The following EML1 variants were observed in gnomAD, a reference collection of about 807,000 sequenced individuals.
EML1 encodes EMAP like 1, also known as echinoderm microtubule-associated protein-like 1.
Under a neutral mutation model 110.4 loss-of-function variants are expected in EML1, and 27 were observed. That is an observed-to-expected ratio of 0.24 (90% CI 0.18 to 0.34). EML1 has a LOEUF of 0.34. Among genes scored for constraint, EML1 ranks in the 10% least tolerant of loss-of-function variants. The pLI is 1.00. For synonymous variants in EML1, 344 were observed against 385.8 expected (o/e 0.89, Z 1.27); for missense variants, 741 against 1,030.9 (o/e 0.72, Z 3.85).
intron 1 of EML1, among the ~76,000 whole-genome samples, chr14:99,741,628 A>ACC (rs11361579): frequency 6.7e-6 from 1 of 148,336 alleles, no homozygotes; most frequent in Non-Finnish European, 1.5e-5. Context: ...TTTTGCGCCC[A>ACC]CCCCCCCCCA....
chr14:99,794,161 C>T (rs965376386), intron 1 of EML1, among the ~76,000 whole-genome samples: 2 of 151,774 alleles, frequency 1.3e-5, no homozygotes, highest in African/African-American at 4.8e-5. Context: ...TTTGTTTTTG[C>T]AATTTTACAG....
intron 1 of EML1, among the ~76,000 whole-genome samples, chr14:99,797,092 C>T (rs1339968032): frequency 6.6e-6 from 1 of 152,178 alleles, no homozygotes; most frequent in Non-Finnish European, 1.5e-5. Flanking sequence ...ACCCTAGTAC[C>T]TACTAGCAGT....
intron 1 of EML1, among the ~76,000 whole-genome samples, chr14:99,832,702 TA>T (rs1187173650): frequency 1.3e-5 from 2 of 152,228 alleles, no homozygotes; most frequent in Non-Finnish European, 2.9e-5. Context: ...TGCTTCGTTT[TA>T]AAATTGGGTT....
intron 7 of EML1, 54 bp downstream of exon 7, chr14:99,897,348 C>T (rs1011100477): frequency 6.6e-6 from 10 of 1,516,686 alleles, no homozygotes; most frequent in African/African-American, 2.8e-5. Context: ...GTAGGAGGAT[C>T]GCTTGAGGCC....
At chr14:99,739,018 T>C (rs996210453) in intron 1 of EML1, among the ~76,000 whole-genome samples, 1 of 151,798 alleles carries the variant, frequency 6.6e-6, no homozygotes, top group African/African-American at 2.4e-5. Context: ...TGCCAGCGCC[T>C]TGGCCTGGCT....
intron 16 of EML1, among the ~76,000 whole-genome samples, chr14:99,920,031 C>G (rs1290605764): frequency 1.3e-5 from 2 of 152,164 alleles, no homozygotes; most frequent in East Asian, 1.9e-4. Context: ...CACCACCACC[C>G]CTTGAGAATA....
At chr14:99,746,399 C>G (rs1473889059) in intron 1 of EML1, among the ~76,000 whole-genome samples, 3 of 152,130 alleles carry the variant, frequency 2.0e-5, no homozygotes, top group Non-Finnish European at 4.4e-5. Flanking sequence ...CAGGGGGCAC[C>G]TATGTTTGGA....
upstream of EML1, among the ~76,000 whole-genome samples, chr14:99,769,161 T>C (rs1180802011): frequency 1.3e-5 from 2 of 152,182 alleles, no homozygotes; most frequent in Non-Finnish European, 2.9e-5. Flanking sequence ...AGGCTCCCTG[T>C]CTGGTCCTCC....
rs138924869 is a variant in EML1 at position 99,797,325 on chromosome 14, A to G, written c.67+3782A>G. ...TTATATTCCCTTGTGGAGAGATACC[A>G]CACTGTTTAAATCTGTTACTTGTTG... On this transcript the variant is annotated intron_variant, in intron 1 of 21. Coordinates refer to ENST00000262233, the MANE Select transcript of EML1 (RefSeq NM_004434.3). Among the ~76,000 whole-genome samples the G allele has an allele frequency of 5.3e-5, 8 of 152,294 alleles. No individual in the cohort carries two copies. In the East Asian group the frequency reaches 1.5e-3, roughly 29 times the overall value.
At chr14:99,929,818 T>C (rs2060333901) in intron 17 of EML1, among the ~76,000 whole-genome samples, 1 of 152,176 alleles carries the variant, frequency 6.6e-6, no homozygotes. Context: ...ATCTCCAAGG[T>C]AGCAGCACCC....
At chr14:99,899,715 T>G (rs1332320846) in intron 8 of EML1, among the ~76,000 whole-genome samples, 1 of 29,262 alleles carries the variant, frequency 3.4e-5, no homozygotes, top group African/African-American at 2.3e-4. Context: ...GGTCTTTCAA[T>G]TTTTTTTTTT....
chr14:99,927,793 T>TTGGTGGTGA (rs2060264169), intron 17 of EML1, among the ~76,000 whole-genome samples: 2 of 22,912 alleles, frequency 8.7e-5, no homozygotes, highest in South Asian at 5.5e-3. Flanking sequence ...GGTGGTGGTA[T>TTGGTGGTGA]TGGTGGTGGG....
intron 1 of EML1, among the ~76,000 whole-genome samples, chr14:99,800,578 G>A (rs1302829717): frequency 1.3e-5 from 2 of 152,070 alleles, no homozygotes; most frequent in African/African-American, 4.8e-5. Flanking sequence ...TGCTCAGGCT[G>A]GTCTTGAACT....
chr14:99,813,537 A>C (rs2058116488), intron 1 of EML1, among the ~76,000 whole-genome samples: 1 of 152,050 alleles, frequency 6.6e-6, no homozygotes, highest in Non-Finnish European at 1.5e-5. Flanking sequence ...TCGCATAGTG[A>C]GACCCGGTCT....
At chr14:99,871,335 A>G (rs761798201) in intron 3 of EML1, among the ~76,000 whole-genome samples, 21 of 152,144 alleles carry the variant, frequency 1.4e-4, no homozygotes, top group Non-Finnish European at 2.8e-4. Context: ...AAAGGATTCA[A>G]CATTTTAAAA....
At chr14:99,834,441 A>G (rs2058507936) in intron 1 of EML1, among the ~76,000 whole-genome samples, 1 of 152,024 alleles carries the variant, frequency 6.6e-6, no homozygotes, top group East Asian at 1.9e-4. Flanking sequence ...AGCTGGGACT[A>G]CAGGTGCACG....
rs930615000 is a variant in EML1, at chr14:99,805,814, G to C, written c.67+12271G>C. On this transcript the variant is annotated intron_variant, in intron 1 of 21. Coordinates refer to ENST00000262233, the MANE Select transcript of EML1 (RefSeq NM_004434.3). ...TTTTTCAAAAAAAAATTTAATCATG[G>C]TAAAATACATATAAAATTTAGCATC... is the stretch of plus-strand genomic sequence containing the variant. Among the ~76,000 whole-genome samples the C allele has an allele frequency of 2.6e-5, 4 of 151,910 alleles. No individual in the cohort carries two copies. The East Asian group carries it at 7.7e-4, about 29-fold the overall frequency.
At chr14:99,842,235 G>T (rs2058644878) in intron 1 of EML1, among the ~76,000 whole-genome samples, 1 of 152,198 alleles carries the variant, frequency 6.6e-6, no homozygotes, top group African/African-American at 2.4e-5. Flanking sequence ...CCTATGAAAT[G>T]CTTAGAGATT....
Position 99,760,414 on chromosome 14 carries a change from G to C in EML1, c.28+22554G>C, listed in dbSNP as rs370143219. Among the ~76,000 whole-genome samples, 8 of 152,228 alleles carry C rather than the reference G, an allele frequency of 5.3e-5. No homozygotes were observed. In the East Asian group the frequency reaches 1.2e-3, roughly 22 times the overall value. On this transcript the variant is annotated intron_variant, in intron 1 of 10. Transcript: ENST00000554479. The stretch of plus-strand genomic sequence containing the variant: ...CACATTGCTGCATGATCTCCGTAAT[G>C]ACCATTTTAACAACTGCGGAACATG...
Sources: gnomAD v4.1 joint callset for allele counts (sites outside exome capture counted in the v4.1 genomes callset) on GRCh38, gnomAD v4.1.1 for gene constraint, MANE v1.5 for transcripts, NCBI Gene and HGNC (gene_info 2026-07-23, HGNC 2026-07-21) for gene names.